Variants in C1orf185 observed in about 807,000 individuals in gnomAD.
The protein encoded by C1orf185 is chromosome 1 open reading frame 185.
Under a neutral mutation model 16.1 loss-of-function variants are expected in C1orf185, and 13 were observed. The ratio of observed to expected loss-of-function variants is 0.81; its 90% CI spans 0.53 to 1.28. The LOEUF (loss-of-function observed/expected upper bound fraction) is 1.28, where lower values mean the gene tolerates loss of function less well. Ranked by LOEUF, C1orf185 falls within the 50% of genes most tolerant of loss-of-function variation. C1orf185 has a pLI of 0.00. For missense variants in C1orf185, 220 were observed against 225.2 expected (o/e 0.98, Z 0.15); for synonymous variants, 80 against 76.9 (o/e 1.04, Z -0.21).
At chr1:51,131,932 A>G (rs1181592402) in intron 3 of C1orf185, among the ~76,000 whole-genome samples, 1 of 152,154 alleles carries the variant, frequency 6.6e-6, no homozygotes, top group Non-Finnish European at 1.5e-5. Flanking sequence ...GAGCCAGAGA[A>G]CAAAGTCAGG....
intron 1 of C1orf185, among the ~76,000 whole-genome samples, chr1:51,105,750 G>A (rs144358618): frequency 1.7e-3 from 265 of 152,194 alleles, no homozygotes; most frequent in South Asian, 5.4e-3. Flanking sequence ...ACTTAAGAGT[G>A]GAGTCAAAAA....
intron 3 of C1orf185, among the ~76,000 whole-genome samples, chr1:51,127,545 C>T (rs1212748391): frequency 6.6e-6 from 1 of 152,174 alleles, no homozygotes; most frequent in African/African-American, 2.4e-5. Flanking sequence ...CTTGGCCTTC[C>T]AAAGTGCTGG....
At chr1:51,108,183 A>ATAG (rs1646087797) in intron 1 of C1orf185, among the ~76,000 whole-genome samples, 1 of 152,156 alleles carries the variant, frequency 6.6e-6, no homozygotes, top group Non-Finnish European at 1.5e-5. Context: ...GGCACTGTAT[A>ATAG]TAGTGGTCAT....
chr1:51,129,283 AGTGT>A (rs1646266273), intron 3 of C1orf185, among the ~76,000 whole-genome samples: 4 of 152,058 alleles, frequency 2.6e-5, no homozygotes, highest in Admixed American at 2.6e-4. Context: ...TGGGATTATG[AGTGT>A]GAGCCGCTGC....
intron 3 of C1orf185, among the ~76,000 whole-genome samples, chr1:51,132,316 A>G (rs1646291769): frequency 6.6e-6 from 1 of 152,180 alleles, no homozygotes; most frequent in Admixed American, 6.5e-5. Flanking sequence ...AAGTGCATTG[A>G]AACCCAGTGC....
intron 2 of C1orf185, among the ~76,000 whole-genome samples, chr1:51,114,402 G>T (rs919118491): frequency 6.6e-6 from 1 of 152,152 alleles, no homozygotes; most frequent in Admixed American, 6.5e-5. Context: ...AGCCCCATGA[G>T]GTAAAAGTAA....
At chr1:51,136,872 C>G (rs1570316697) in intron 3 of C1orf185, among the ~76,000 whole-genome samples, 1 of 152,124 alleles carries the variant, frequency 6.6e-6, no homozygotes, top group East Asian at 1.9e-4. Context: ...ATGAAGACAC[C>G]AATAGCAATT....
At chr1:51,115,197 G>A (rs944087590) in intron 2 of C1orf185, among the ~76,000 whole-genome samples, 1 of 152,054 alleles carries the variant, frequency 6.6e-6, no homozygotes, top group Admixed American at 6.6e-5. Flanking sequence ...AATTAATCGG[G>A]CATGGTCGTT....
chr1:51,138,419 G>T (rs1176117132), intron 3 of C1orf185, among the ~76,000 whole-genome samples: 1 of 152,182 alleles, frequency 6.6e-6, no homozygotes, highest in Non-Finnish European at 1.5e-5. Context: ...TTGAGACAGA[G>T]TCTTGCTCTG....
chr1:51,122,414 T>C (rs1042920738), intron 3 of C1orf185, among the ~76,000 whole-genome samples: 2 of 152,186 alleles, frequency 1.3e-5, no homozygotes, highest in African/African-American at 4.8e-5. Flanking sequence ...AATGGATGTG[T>C]AACAGTATCT....
At chr1:51,143,952 A>C (rs1646383179) in intron 3 of C1orf185, among the ~76,000 whole-genome samples, 1 of 152,220 alleles carries the variant, frequency 6.6e-6, no homozygotes, top group African/African-American at 2.4e-5. Flanking sequence ...TTTAAAAAAC[A>C]ATGTTGGGTG....
chr1:51,146,421 T>C (rs563045579), intron 4 of C1orf185, among the ~76,000 whole-genome samples: 121 of 143,988 alleles, frequency 8.4e-4, no homozygotes, highest in African/African-American at 2.9e-3. Flanking sequence ...ACTGCACCAA[T>C]ACACTCCAGC....
intron 3 of C1orf185, among the ~76,000 whole-genome samples, chr1:51,145,089 A>G (rs940102945): frequency 6.6e-6 from 1 of 152,142 alleles, no homozygotes; most frequent in African/African-American, 2.4e-5. Context: ...CTACAACACT[A>G]TACTTCCCAG....
intron 2 of C1orf185, among the ~76,000 whole-genome samples, chr1:51,115,499 C>T (rs1440331105): frequency 6.6e-6 from 1 of 152,022 alleles, no homozygotes; most frequent in African/African-American, 2.4e-5. Flanking sequence ...AGGAAAATGG[C>T]TGCCATAAAT....
chr1:51,148,127 A>G (rs1264034930), downstream of C1orf185: 2 of 177,700 alleles, frequency 1.1e-5, no homozygotes, highest in Non-Finnish European at 2.4e-5. Flanking sequence ...CAAAAATAAT[A>G]CATATATTTT....
At chr1:51,125,960 C>A (rs1646236914) in intron 3 of C1orf185, among the ~76,000 whole-genome samples, 1 of 152,196 alleles carries the variant, frequency 6.6e-6, no homozygotes, top group East Asian at 1.9e-4. Flanking sequence ...GAGTTCAAGA[C>A]CAGCCTGGGC....
intron 3 of C1orf185, among the ~76,000 whole-genome samples, chr1:51,131,943 G>A (rs1646288666): frequency 6.6e-6 from 1 of 152,102 alleles, no homozygotes; most frequent in Non-Finnish European, 1.5e-5. Flanking sequence ...CAAAGTCAGG[G>A]CCCAGTGCAA....
intron 1 of C1orf185, among the ~76,000 whole-genome samples, chr1:51,108,901 A>T (rs936731204): frequency 6.6e-6 from 1 of 152,232 alleles, no homozygotes; most frequent in Non-Finnish European, 1.5e-5. Context: ...TCACTTTAGT[A>T]TACTGATTTC....
At chr1:51,115,710 T>C (rs896931184) in intron 2 of C1orf185, among the ~76,000 whole-genome samples, 22 of 152,310 alleles carry the variant, frequency 1.4e-4, no homozygotes, top group African/African-American at 4.8e-4. Context: ...AATATCTTTA[T>C]GTCTCTATGA....
Sources: gnomAD v4.1 joint callset for allele counts (sites outside exome capture counted in the v4.1 genomes callset) on GRCh38, gnomAD v4.1.1 for gene constraint, MANE v1.5 for transcripts, NCBI Gene and HGNC (gene_info 2026-07-23, HGNC 2026-07-21) for gene names.